FAT3: variants seen among roughly 807,000 people sequenced by gnomAD.
FAT3 encodes the protein FAT atypical cadherin 3.
In FAT3, 95 loss-of-function variants were observed where a neutral mutation model predicts 310.2. The ratio of observed to expected loss-of-function variants is 0.31; its 90% CI spans 0.26 to 0.36. The LOEUF (loss-of-function observed/expected upper bound fraction) is 0.36, where lower values mean the gene tolerates loss of function less well. FAT3 is among the 10% of genes least tolerant of loss of function. The pLI, the probability that FAT3 is intolerant of heterozygous loss-of-function variation, is 1.00. For synonymous variants in FAT3, 2,314 were observed against 2,192.9 expected (o/e 1.06, Z -1.54); for missense variants, 5,408 against 5,715.6 (o/e 0.95, Z 1.74).
intron 3 of FAT3, among the ~76,000 whole-genome samples, chr11:92,545,606 A>C (rs1954591754): frequency 6.6e-6 from 1 of 152,214 alleles, no homozygotes; most frequent in African/African-American, 2.4e-5. Context: ...CTTCCAAGCC[A>C]AGGGCCAGGT....
chr11:92,577,262 A>T (rs1237165979), intron 3 of FAT3, among the ~76,000 whole-genome samples: 1 of 151,654 alleles, frequency 6.6e-6, no homozygotes, highest in Admixed American at 6.6e-5. Context: ...GCGGTCGCCA[A>T]CATGCCCCAT....
intron 3 of FAT3, among the ~76,000 whole-genome samples, chr11:92,572,075 C>T (rs868128939): frequency 1.3e-5 from 2 of 152,178 alleles, no homozygotes; most frequent in Admixed American, 1.3e-4. Context: ...CAGCCGAGTG[C>T]TCCATGTGCC....
chr11:92,383,575 C>T (rs147611954), intron 2 of FAT3, among the ~76,000 whole-genome samples: 9 of 152,320 alleles, frequency 5.9e-5, no homozygotes, highest in African/African-American at 1.7e-4. Flanking sequence ...TTGATGGATA[C>T]AAGAGTGAAT....
At chr11:92,884,537 C>T (rs1428563942) in intron 24 of FAT3, among the ~76,000 whole-genome samples, 1 of 152,126 alleles carries the variant, frequency 6.6e-6, no homozygotes, top group African/African-American at 2.4e-5. Flanking sequence ...ATGGTTATAG[C>T]ACTGTGGCAT....
At chr11:92,468,395 G>A (rs539178965) in intron 2 of FAT3, among the ~76,000 whole-genome samples, 5 of 152,276 alleles carry the variant, frequency 3.3e-5, no homozygotes, top group African/African-American at 7.2e-5. Flanking sequence ...GATGGAAGAA[G>A]CCTTTGAAAG....
intron 13 of FAT3, among the ~76,000 whole-genome samples, chr11:92,825,695 T>C (rs1243656481): frequency 6.6e-6 from 1 of 152,086 alleles, no homozygotes; most frequent in Non-Finnish European, 1.5e-5. Context: ...TTTTTGCTTC[T>C]GTTTGTAGGA....
intron 3 of FAT3, among the ~76,000 whole-genome samples, chr11:92,537,787 T>G (rs1457244258): frequency 3.3e-5 from 5 of 152,134 alleles, no homozygotes; most frequent in Non-Finnish European, 7.4e-5. Context: ...GATTTCCCTT[T>G]ATTTAAGAAA....
intron 3 of FAT3, among the ~76,000 whole-genome samples, chr11:92,632,369 C>T (rs555334856): frequency 7.1e-4 from 108 of 152,280 alleles, no homozygotes; most frequent in Admixed American, 1.4e-3. Flanking sequence ...CCCTTGTTTC[C>T]CAGGATGCTT....
chr11:92,312,154 T>C (rs910054607), intron 1 of FAT3, among the ~76,000 whole-genome samples: 1 of 152,226 alleles, frequency 6.6e-6, no homozygotes, highest in African/African-American at 2.4e-5. Flanking sequence ...AACCTGGGCG[T>C]ATTCAAAGGA....
rs542944230 is a variant in FAT3, at chr11:92,325,789, G to A, written c.-17-26307G>A. Among the ~76,000 whole-genome samples, 38 of 152,148 alleles carry A rather than the reference G, an allele frequency of 2.5e-4. No individual in the cohort carries two copies. The South Asian group carries it at 6.6e-3, about 27-fold the overall frequency. ...TGGGACTACAGGCATGCATCACCACGCCCAGCTAATTTTTGTATTTTTAGT... is the reference window on the plus strand; with the variant it reads ...TGGGACTACAGGCATGCATCACCACACCCAGCTAATTTTTGTATTTTTAGT... On this transcript the variant is annotated intron_variant, in intron 1 of 27. Coordinates refer to ENST00000525166, the MANE Select transcript of FAT3 (RefSeq NM_001367949.2).
chr11:92,430,416 T>C (rs1464760799), intron 2 of FAT3, among the ~76,000 whole-genome samples: 1 of 152,228 alleles, frequency 6.6e-6, no homozygotes, highest in Non-Finnish European at 1.5e-5. Flanking sequence ...AGAGGCATTC[T>C]GGTTTTTGGA....
At chr11:92,685,876 G>C (rs1402091190) in intron 3 of FAT3, among the ~76,000 whole-genome samples, 4 of 152,120 alleles carry the variant, frequency 2.6e-5, no homozygotes, top group Non-Finnish European at 4.4e-5. Flanking sequence ...AAAATACAAG[G>C]CTTCTTCCCT....
In FAT3 at chr11:92,298,709, C is replaced by T. The variant is rs576349080; in HGVS notation, c.-17-53387C>T. Among the ~76,000 whole-genome samples the T allele has an allele frequency of 3.9e-5, 6 of 151,940 alleles. 1 individual carries two copies. Among genetic ancestry groups the T allele is most frequent in the African/African-American group, 1.4e-4 (6 of 41,494 alleles). On this transcript the variant is annotated intron_variant, in intron 1 of 27. Transcript: ENST00000525166. Reference sequence around the variant, plus strand: ...GTTAATCAACTTCCAATTTTTTTTCCTCCAGGCCAGGCAACCTGTTCAGCC... The same window carrying T: ...GTTAATCAACTTCCAATTTTTTTTCTTCCAGGCCAGGCAACCTGTTCAGCC...
chr11:92,806,884 T>G (rs1049688291), intron 12 of FAT3, among the ~76,000 whole-genome samples: 2 of 152,190 alleles, frequency 1.3e-5, no homozygotes, highest in African/African-American at 4.8e-5. Flanking sequence ...GGGCATCCAT[T>G]ATTTTGTAAA....
intron 7 of FAT3, among the ~76,000 whole-genome samples, chr11:92,779,786 G>C (rs768093269): frequency 1.1e-4 from 16 of 152,092 alleles, no homozygotes; most frequent in Non-Finnish European, 2.1e-4. Flanking sequence ...AGGCCCAGTC[G>C]AATCACATGA....
At chr11:92,791,900 G>A (rs1947050503) in intron 8 of FAT3, among the ~76,000 whole-genome samples, 1 of 152,224 alleles carries the variant, frequency 6.6e-6, no homozygotes, top group East Asian at 1.9e-4. Flanking sequence ...GAAAGGAGGT[G>A]CTTCAGCACT....
At chr11:92,815,486 T>C (rs113216136) in intron 13 of FAT3, among the ~76,000 whole-genome samples, 6,470 of 151,966 alleles carry the variant, frequency 0.043, 175 homozygotes, top group Non-Finnish European at 0.062. Flanking sequence ...GGCAGGAGAA[T>C]GGCATGAACC....
chr11:92,843,822 T>C, intron 18 of FAT3, 112 bp from the exon 19 acceptor site: 1 of 1,024,724 alleles, frequency 9.8e-7, no homozygotes, highest in Non-Finnish European at 1.5e-6. Context: ...TGGCAAGGAA[T>C]GAAGGAAGAA....
At chr11:92,226,886 TC>T (rs1271859834) in intron 1 of FAT3, among the ~76,000 whole-genome samples, 2 of 152,000 alleles carry the variant, frequency 1.3e-5, no homozygotes, top group East Asian at 3.9e-4. Flanking sequence ...GAAGTCTTTT[TC>T]CCCCCTCTCC....
Sources: gnomAD v4.1 joint callset for allele counts (sites outside exome capture counted in the v4.1 genomes callset) on GRCh38, gnomAD v4.1.1 for gene constraint, MANE v1.5 for transcripts, NCBI Gene and HGNC (gene_info 2026-07-23, HGNC 2026-07-21) for gene names.